Variants in CSTB observed in about 807,000 individuals in gnomAD.
CSTB encodes the protein cystatin-B.
Under a neutral mutation model 7.6 loss-of-function variants are expected in CSTB, and 8 were observed. The ratio of observed to expected loss-of-function variants is 1.05; its 90% CI spans 0.62 to 1.89. The LOEUF is 1.89. Among genes scored for constraint, CSTB ranks in the 40% most tolerant of loss-of-function variants. The pLI is 0.00. For missense variants in CSTB, 124 were observed against 126.4 expected (o/e 0.98, Z 0.09); for synonymous variants, 56 against 55.3 (o/e 1.01, Z -0.06).
At position 43,775,172 on chromosome 21, in the gene CSTB, G is replaced by A. The variant is rs564449657; in HGVS notation, c.67-413C>T. On this transcript the variant is annotated intron_variant, in intron 1 of 2. Transcript: ENST00000291568. Reference sequence around the variant, plus strand: ...TGGGAAGCGGAGGTTGCAGTGGGCCGAGATTGTGCCACTGCACTCCACCCT... The same window carrying A: ...TGGGAAGCGGAGGTTGCAGTGGGCCAAGATTGTGCCACTGCACTCCACCCT... The A allele has an allele frequency of 5.2e-5, 17 of 325,498 alleles. No individual in the cohort carries two copies. In the Admixed American group the frequency reaches 5.3e-4, roughly 10 times the overall value. 20.2% of individuals were successfully genotyped at this position (325,498 alleles called of 1,614,324 possible).
In CSTB at chr21:43,774,269, T is replaced by C. The variant is rs1436835041; in HGVS notation, c.230A>G (p.Asn77Ser). ...LRVFQSLPHE[N>S]KPLTLSNYQT... Reference sequence around the variant, plus strand: ...GTAGTTAGATAAGGTCAAGGGCTTGTTTTCATGAGGGAGAGATTGGAACAC... The same window carrying C: ...GTAGTTAGATAAGGTCAAGGGCTTGCTTTCATGAGGGAGAGATTGGAACAC... The change falls in exon 3 of 3, where the codon AAC becomes AGC. Residue 77 changes from asparagine (N) to serine (S), a missense_variant. Coordinates refer to ENST00000291568, the MANE Select transcript of CSTB (RefSeq NM_000100.4). 6.2e-7 allele frequency: 1 copy of C among 1,614,166 alleles called. No homozygotes were observed. Among genetic ancestry groups the C allele is most frequent in the East Asian group, 2.2e-5 (1 of 44,884 alleles).
In CSTB at chr21:43,774,237, T is replaced by G. The variant is rs138149594; in HGVS notation, c.262A>C (p.Asn88His). Residue 88 changes from asparagine to histidine, a missense_variant, in exon 3 of 3, where the codon AAC (asparagine) becomes CAC (histidine). Coordinates refer to ENST00000291568, the MANE Select transcript of CSTB (RefSeq NM_000100.4). ...KPLTLSNYQT[N>H]KAKHDELTYF ...GTCAGCTCATCATGCTTGGCTTTGT[T>G]GGTCTGGTAGTTAGATAAGGTCAAG... 4 of 1,614,198 alleles carry G rather than the reference T, an allele frequency of 2.5e-6. No homozygotes were observed. In the East Asian group the frequency reaches 6.7e-5, roughly 27 times the overall value.
In CSTB at chr21:43,776,074, C is replaced by T. The variant is rs1216410781; in HGVS notation, c.66+130G>A. ...CGCCCGAGCGGAGGGAGGCCTCTCA[C>T]GGCCACAGCCCGGGCCAGCCCAGGG... is the stretch of plus-strand genomic sequence containing the variant. On this transcript the variant is annotated intron_variant, in intron 1 of 2. Coordinates refer to ENST00000291568, the MANE Select transcript of CSTB (RefSeq NM_000100.4). 47 of 813,840 alleles carry T rather than the reference C, an allele frequency of 5.8e-5. No homozygotes were observed. In the East Asian group the frequency reaches 1.2e-3, roughly 21 times the overall value. 50.4% of individuals were successfully genotyped at this position (813,840 alleles called of 1,614,324 possible). A position where few individuals can be genotyped will look rare whatever the true frequency, so the allele number is the denominator to read the frequency against.
At position 43,776,086 on chromosome 21, in the gene CSTB, G is replaced by C. The variant is rs2084008533; in HGVS notation, c.66+118C>G. 5.2e-6 allele frequency: 5 copies of C among 964,044 alleles called. No individual in the cohort carries two copies. In the Middle Eastern group the frequency reaches 1.3e-3, roughly 244 times the overall value. 59.7% of individuals were successfully genotyped at this position (964,044 alleles called of 1,614,324 possible). A position where few individuals can be genotyped will look rare whatever the true frequency, so the allele number is the denominator to read the frequency against. On this transcript the variant is annotated intron_variant, in intron 1 of 2. Transcript: ENST00000291568. ...GGGAGGCCTCTCACGGCCACAGCCC[G>C]GGCCAGCCCAGGGGTGCGCAGCGGG... is the stretch of plus-strand genomic sequence containing the variant.
chr21:43,776,103 C>CG, intron 1 of CSTB, 101 bp downstream of exon 1: 1 of 1,126,104 alleles, frequency 8.9e-7, no homozygotes, highest in East Asian at 2.8e-5. Context: ...CCCAGGGGTG[C>CG]GCAGCGGGGC....
Position 43,774,291 on chromosome 21 carries a change from A to C in CSTB, c.208T>G (p.Phe70Val), listed in dbSNP as rs200577790. The C allele has an allele frequency of 8.7e-6, 14 of 1,614,206 alleles. No individual in the cohort carries two copies. The East Asian group carries it at 3.1e-4, about 36-fold the overall frequency. ...GDEDFVHLRV[F>V]QSLPHENKPL... ...TTGTTTTCATGAGGGAGAGATTGGA[A>C]CACTCGCAGGTGTACGAAGTCCTCG... is the stretch of plus-strand genomic sequence containing the variant. Residue 70 changes from phenylalanine (F) to valine (V), a missense_variant, in exon 3 of 3, where the codon TTC (phenylalanine) becomes GTC (valine). Coordinates refer to ENST00000291568, the MANE Select transcript of CSTB (RefSeq NM_000100.4).
chr21:43,775,595 C>T (rs1036745889), intron 1 of CSTB: 3 of 152,366 alleles, frequency 2.0e-5, no homozygotes, highest in African/African-American at 7.2e-5. Flanking sequence ...AGTTTTTAAC[C>T]CATGTGCCTT....
chr21:43,774,490 A>G (rs1399226616), intron 2 of CSTB, 160 bp from the exon 3 acceptor site: 20 of 1,245,016 alleles, frequency 1.6e-5, no homozygotes, highest in Non-Finnish European at 2.3e-5. Flanking sequence ...TTAGCTCCCC[A>G]GAAGCCCTAG....
At chr21:43,775,994 A>G (rs2084007925) in intron 1 of CSTB, 1 of 478,094 alleles carries the variant, frequency 2.1e-6, no homozygotes, top group Non-Finnish European at 3.6e-6. Context: ...AGCGGAGCCC[A>G]ATGTCTCCCC....
chr21:43,774,874 A>G, intron 1 of CSTB, 115 bp from the exon 2 acceptor site: 1 of 784,646 alleles, frequency 1.3e-6, no homozygotes, highest in Non-Finnish European at 2.3e-6. Context: ...TCTTCACACA[A>G]TTGTCTCTTA....
chr21:43,774,310 G>C lies in CSTB; in HGVS notation c.189C>G (p.Asp63Glu), dbSNP rs2123385558. The C allele has an allele frequency of 6.2e-7, 1 of 1,614,198 alleles. No individual in the cohort carries two copies. The highest frequency in any genetic ancestry group is 2.2e-5 in the East Asian group (1 of 44,890). The change falls in exon 3 of 3, where the codon GAC (aspartate) becomes GAG (glutamate). Residue 63 changes from aspartate to glutamate, a missense_variant. Transcript: ENST00000291568. Reference sequence around the variant, plus strand: ...ATTGGAACACTCGCAGGTGTACGAAGTCCTCGTCGCCGACGTGCACCTGGG... The same window carrying C: ...ATTGGAACACTCGCAGGTGTACGAACTCCTCGTCGCCGACGTGCACCTGGG... ...YFIKVHVGDEDFVHLRVFQSL... is the reference protein window; with the variant it reads ...YFIKVHVGDEEFVHLRVFQSL...
intron 1 of CSTB, chr21:43,775,226 C>CA (rs796529480): frequency 0.018 from 4,043 of 222,312 alleles, 14 homozygotes; most frequent in African/African-American, 0.028. Flanking sequence ...GTCTCAAAAA[C>CA]AAAAAAAAAA....
Position 43,776,184 on chromosome 21 carries a change from C to T in CSTB, c.66+20G>A, listed in dbSNP as rs1197240747. ...CTAAGGCAGGACTCCGGGCCGGCCC[C>T]GTCCCCGCGGCCCACCCACCTGGTC... On this transcript the variant is annotated intron_variant, in intron 1 of 2. Coordinates refer to ENST00000291568, the MANE Select transcript of CSTB (RefSeq NM_000100.4). The T allele has an allele frequency of 2.0e-6, 3 of 1,526,690 alleles. No homozygotes were observed. The highest frequency in any genetic ancestry group is 2.5e-5 in the East Asian group (1 of 40,022). 94.6% of individuals were successfully genotyped at this position (1,526,690 alleles called of 1,614,324 possible).
rs755073483 is a variant in CSTB at position 43,774,275 on chromosome 21, T to C, written c.224A>G (p.His75Arg). 2.2e-5 allele frequency: 35 copies of C among 1,614,114 alleles called. No homozygotes were observed. In the South Asian group the frequency reaches 3.2e-4, roughly 15 times the overall value. Residue 75 changes from histidine to arginine, a missense_variant, in exon 3 of 3, where the codon CAT becomes CGT. Coordinates refer to ENST00000291568, the MANE Select transcript of CSTB (RefSeq NM_000100.4). ...AGATAAGGTCAAGGGCTTGTTTTCA[T>C]GAGGGAGAGATTGGAACACTCGCAG... ...VHLRVFQSLPHENKPLTLSNY... is the reference protein window; with the variant it reads ...VHLRVFQSLPRENKPLTLSNY...
Position 43,774,079 on chromosome 21 carries a change from C to T in CSTB, c.*123G>A. 1 of 1,289,190 alleles carries T rather than the reference C, an allele frequency of 7.8e-7. No homozygotes were observed. Among genetic ancestry groups the T allele is most frequent in the Non-Finnish European group, 1.1e-6 (1 of 892,562 alleles). 79.9% of individuals were successfully genotyped at this position (1,289,190 alleles called of 1,614,324 possible). A position where few individuals can be genotyped will look rare whatever the true frequency, so the allele number is the denominator to read the frequency against. ...GCAAAAGCAGCTGCAGAATCCTGCC[C>T]CTTCCACCCCAAGGGGCACAGCCCG... On this transcript the variant is annotated 3_prime_UTR_variant, in exon 3 of 3. Transcript: ENST00000291568.
At chr21:43,774,436 G>A (rs554403655) in intron 2 of CSTB, 106 bp from the exon 3 acceptor site, 4 of 1,523,270 alleles carry the variant, frequency 2.6e-6, no homozygotes, top group African/African-American at 2.7e-5. Context: ...TCTCCTGCAT[G>A]TGCAGGGGAT....
In CSTB at chr21:43,776,279, G is replaced by A; in HGVS notation, c.-10C>T. On this transcript the variant is annotated 5_prime_UTR_variant, in exon 1 of 3. Transcript: ENST00000291568. Reference sequence around the variant, plus strand: ...GCGCCCCGCACATCATCTTGGCGGCGACGGAGGGAATCTGGCGAGGGGACT... The same window carrying A: ...GCGCCCCGCACATCATCTTGGCGGCAACGGAGGGAATCTGGCGAGGGGACT... 1 of 1,529,464 alleles carries A rather than the reference G, an allele frequency of 6.5e-7. No homozygotes were observed. Among genetic ancestry groups the A allele is most frequent in the Non-Finnish European group, 8.8e-7 (1 of 1,140,350 alleles). 94.7% of individuals were successfully genotyped at this position (1,529,464 alleles called of 1,614,324 possible).
intron 1 of CSTB, chr21:43,775,084 G>A (rs1006364391): frequency 1.9e-5 from 7 of 373,714 alleles, no homozygotes; most frequent in African/African-American, 6.3e-5. Flanking sequence ...TTAGCTGGGC[G>A]TGGTGGCGAG....
At chr21:43,775,863 G>T in intron 1 of CSTB, 1 of 261,358 alleles carries the variant, frequency 3.8e-6, no homozygotes, top group Non-Finnish European at 7.2e-6. Context: ...GGCGACGCCC[G>T]ATCACCCTGC....
Sources: allele counts gnomAD v4.1 joint callset, GRCh38; gene constraint gnomAD v4.1.1; transcripts MANE v1.5; gene names NCBI Gene and HGNC (gene_info 2026-07-23, HGNC 2026-07-21).